IL21R: variants seen among roughly 807,000 people sequenced by gnomAD.
IL21R encodes the protein interleukin 21 receptor, also known as interleukin-21 receptor.
A neutral mutation model predicts 41.3 loss-of-function variants in IL21R; 14 were observed. The observed-to-expected ratio is 0.34, with a 90% CI of 0.22 to 0.53. The LOEUF (loss-of-function observed/expected upper bound fraction) is 0.53. Among genes scored for constraint, IL21R ranks in the 20% least tolerant of loss-of-function variants. The pLI, the probability that IL21R is intolerant of heterozygous loss-of-function variation, is 0.94. For synonymous variants in IL21R, 286 were observed against 287.6 expected (o/e 0.99, Z 0.05); for missense variants, 588 against 681.6 (o/e 0.86, Z 1.53).
chr16:27,431,972 A>T (rs8057464), intron 2 of IL21R, among the ~76,000 whole-genome samples: 2 of 151,982 alleles, frequency 1.3e-5, no homozygotes, highest in African/African-American at 4.8e-5. Flanking sequence ...ACGCTGCACC[A>T]CCCCCAGAGG....
intron 1 of IL21R, among the ~76,000 whole-genome samples, chr16:27,407,817 T>C (rs1467018191): frequency 6.6e-6 from 1 of 152,088 alleles, no homozygotes; most frequent in Non-Finnish European, 1.5e-5. Flanking sequence ...AGAGCAAGAC[T>C]CCATCTCAAA....
At position 27,451,056 on chromosome 16, in the gene IL21R, CG is replaced by C; in HGVS notation, c.*1779del. The C allele has an allele frequency of 4.3e-6, 1 of 233,398 alleles. No homozygotes were observed. 14.5% of individuals were successfully genotyped at this position (233,398 alleles called of 1,614,324 possible). A position where few individuals can be genotyped will look rare whatever the true frequency, so the allele number is the denominator to read the frequency against. On this transcript the variant is annotated 3_prime_UTR_variant, in exon 9 of 9. Transcript: ENST00000337929. ...AAGAGTGGGACTGTGAGCCTGGGAT[CG>C]GGGGGTGTGAGACTTGGATGGGAGC... is the stretch of plus-strand genomic sequence containing the variant.
At chr16:27,420,218 G>A (rs1351448527) in intron 1 of IL21R, among the ~76,000 whole-genome samples, 1 of 152,138 alleles carries the variant, frequency 6.6e-6, no homozygotes, top group Non-Finnish European at 1.5e-5. Context: ...TATATGACTG[G>A]CAGTGCAGTA....
intron 4 of IL21R, among the ~76,000 whole-genome samples, chr16:27,441,353 C>T (rs933620789): frequency 2.0e-5 from 3 of 152,216 alleles, no homozygotes; most frequent in Non-Finnish European, 4.4e-5. Context: ...ATGAAATGTC[C>T]TTCGAATGGA....
chr16:27,434,338 A>C lies in IL21R; in HGVS notation c.50-9A>C, dbSNP rs1596585986. On this transcript the variant is annotated splice_polypyrimidine_tract_variant and intron_variant, in intron 2 of 8. Coordinates refer to ENST00000337929, the MANE Select transcript of IL21R (RefSeq NM_181078.3). ...CCCACCAAGGCCTCTCTCCCCACTG[A>C]CCCTCCAGGCTGGGGCTGCCCCGAC... 1 of 1,591,638 alleles carries C rather than the reference A, an allele frequency of 6.3e-7. No homozygotes were observed. The highest frequency in any genetic ancestry group is 1.3e-5 in the African/African-American group (1 of 74,422).
At chr16:27,416,021 A>T (rs1300564276) in intron 1 of IL21R, among the ~76,000 whole-genome samples, 2 of 152,236 alleles carry the variant, frequency 1.3e-5, no homozygotes, top group East Asian at 3.9e-4. Context: ...CTTTAACTTT[A>T]TTCACCTCTT....
rs1376396474 is a variant in IL21R, at chr16:27,409,054, C to G, written c.-17+6436C>G. ...GAGTCTCTGCTCAGCAGAAGTTTTC[C>G]AAAGTGGTTGTGTCGATTTACACTC... On this transcript the variant is annotated intron_variant, in intron 1 of 8. Coordinates refer to ENST00000337929, the MANE Select transcript of IL21R (RefSeq NM_181078.3). 2.0e-5 allele frequency among the ~76,000 whole-genome samples: 3 copies of G among 151,810 alleles called. No individual in the cohort carries two copies. The East Asian group carries it at 5.8e-4, about 29-fold the overall frequency.
intron 1 of IL21R, among the ~76,000 whole-genome samples, chr16:27,420,932 A>G (rs747309467): frequency 2.0e-5 from 3 of 152,212 alleles, no homozygotes; most frequent in African/African-American, 7.2e-5. Flanking sequence ...TAAGAGTTTA[A>G]TAGTTTTACT....
intron 5 of IL21R, among the ~76,000 whole-genome samples, chr16:27,443,589 C>T (rs2087427995): frequency 6.6e-6 from 1 of 152,074 alleles, no homozygotes; most frequent in South Asian, 2.1e-4. Context: ...TTGAGACCAG[C>T]CAGGGCAACA....
chr16:27,404,641 A>C (rs1388654993), intron 1 of IL21R, among the ~76,000 whole-genome samples: 1 of 152,148 alleles, frequency 6.6e-6, no homozygotes, highest in Non-Finnish European at 1.5e-5. Flanking sequence ...GGCCTTCTCC[A>C]CACAACTAGG....
intron 4 of IL21R, among the ~76,000 whole-genome samples, chr16:27,440,279 A>AGC (rs1177312217): frequency 1.8e-4 from 24 of 131,856 alleles, no homozygotes; most frequent in South Asian, 4.5e-4. Flanking sequence ...AGAGAGAGAG[A>AGC]GCGAGCAAGC....
chr16:27,403,892 C>T (rs1223029790), intron 1 of IL21R, among the ~76,000 whole-genome samples: 1 of 152,158 alleles, frequency 6.6e-6, no homozygotes, highest in Non-Finnish European at 1.5e-5. Context: ...ACAGGTGAAG[C>T]GGGCAGCCTC....
At chr16:27,444,757 A>G in intron 6 of IL21R, 38 bp downstream of exon 6, 2 of 1,461,786 alleles carry the variant, frequency 1.4e-6, no homozygotes, top group South Asian at 3.0e-5. Flanking sequence ...CACTCCTGGT[A>G]TCAAATTTTG....
chr16:27,440,246 T>TAGAGAGAGAGAG (rs1163938129), intron 4 of IL21R, among the ~76,000 whole-genome samples: 8 of 78,618 alleles, frequency 1.0e-4, no homozygotes, highest in Admixed American at 4.0e-4. Context: ...TATATATATA[T>TAGAGAGAGAGAG]ATAGAGAGAG....
intron 4 of IL21R, among the ~76,000 whole-genome samples, chr16:27,441,133 C>CA (rs1201440556): frequency 6.7e-6 from 1 of 148,246 alleles, no homozygotes; most frequent in African/African-American, 2.5e-5. Flanking sequence ...GGAAGGAGAA[C>CA]AAAAAAAGAA....
At chr16:27,412,192 A>G (rs1243967499) in intron 1 of IL21R, among the ~76,000 whole-genome samples, 1 of 152,004 alleles carries the variant, frequency 6.6e-6, no homozygotes, top group African/African-American at 2.4e-5. Flanking sequence ...CCTTGAACAA[A>G]CTTCCTTTTC....
intron 3 of IL21R, among the ~76,000 whole-genome samples, 159 bp from the exon 4 acceptor site, chr16:27,437,329 G>C (rs2087288243): frequency 6.6e-6 from 1 of 152,108 alleles, no homozygotes; most frequent in Non-Finnish European, 1.5e-5. Flanking sequence ...ACCTTCCCTG[G>C]GAAAAGGTTG....
At chr16:27,434,913 A>G (rs775801583) in intron 3 of IL21R, among the ~76,000 whole-genome samples, 2 of 152,172 alleles carry the variant, frequency 1.3e-5, no homozygotes, top group Non-Finnish European at 2.9e-5. Context: ...TTTAGACCCT[A>G]TGCAGCTCAG....
chr16:27,417,163 C>CTTTT lies in IL21R; in HGVS notation c.-16-12880_-16-12877dup, dbSNP rs577149386. ...TTCCTTTTTCTTTCTTTTTTCTTTT[C>CTTTT]TTTTTTTTTTTTTTTTGAGACAGGG... On this transcript the variant is annotated intron_variant, in intron 1 of 8. Coordinates refer to ENST00000337929, the MANE Select transcript of IL21R (RefSeq NM_181078.3). Among the ~76,000 whole-genome samples the CTTTT allele has an allele frequency of 7.9e-5, 10 of 126,600 alleles. 1 individual carries two copies. Among genetic ancestry groups the CTTTT allele is most frequent in the African/African-American group, 1.5e-4 (5 of 33,362 alleles). 83.1% of individuals were successfully genotyped at this position (126,600 alleles called of 152,430 possible).
Sources: allele counts gnomAD v4.1 joint callset (sites outside exome capture counted in the v4.1 genomes callset), GRCh38; gene constraint gnomAD v4.1.1; transcripts MANE v1.5; gene names NCBI Gene and HGNC (gene_info 2026-07-23, HGNC 2026-07-21).